Variants in ROBO1 observed in about 807,000 individuals in gnomAD.
The protein encoded by ROBO1 is roundabout guidance receptor 1.
Under a neutral mutation model 195.9 loss-of-function variants are expected in ROBO1, and 149 were observed. The observed-to-expected ratio is 0.76, with a 90% CI of 0.67 to 0.87. The LOEUF (loss-of-function observed/expected upper bound fraction) is 0.87. Ranked by LOEUF, ROBO1 falls within the 40% of genes least tolerant of loss-of-function variation. ROBO1 has a pLI of 0.00. For synonymous variants in ROBO1, 816 were observed against 733.2 expected, an observed-to-expected ratio of 1.11 and a Z score of -1.82; for missense variants, 1,933 against 2,068.3, an observed-to-expected ratio of 0.93 and a Z score of 1.27.
chr3:78,944,997 G>C lies in ROBO1; in HGVS notation c.173-6070C>G, dbSNP rs747200925. ...CCCGCCATTGCCGAGTTAGTTGTTT[G>C]ATTAGGTAGACAAAGCTACCGGGAA... On this transcript the variant is annotated intron_variant, in intron 3 of 30. Transcript: ENST00000464233. Among the ~76,000 whole-genome samples the C allele has an allele frequency of 2.6e-5, 4 of 152,320 alleles. No homozygotes were observed. In the East Asian group the frequency reaches 7.7e-4, roughly 29 times the overall value.
chr3:79,589,706 C>G, intron 2 of ROBO1, 118 bp downstream of exon 2: 1 of 793,266 alleles, frequency 1.3e-6, no homozygotes, highest in Non-Finnish European at 2.1e-6. Flanking sequence ...TTCACACAGA[C>G]TTACAAGTTC....
chr3:78,892,188 T>TGG (rs2036943981), intron 4 of ROBO1, among the ~76,000 whole-genome samples: 1 of 152,152 alleles, frequency 6.6e-6, no homozygotes, highest in Non-Finnish European at 1.5e-5. Context: ...GGCAAAACCC[T>TGG]GTCTCTACAA....
intron 8 of ROBO1, among the ~76,000 whole-genome samples, chr3:78,696,125 G>GAAAAAAAA (rs34340807): frequency 1.8e-5 from 2 of 108,710 alleles, no homozygotes; most frequent in Non-Finnish European, 2.0e-5. Flanking sequence ...GAAAGAATCA[G>GAAAAAAAA]AAAAAAAAAA....
chr3:78,729,787 A>G (rs1295472219), intron 5 of ROBO1, among the ~76,000 whole-genome samples: 5 of 152,216 alleles, frequency 3.3e-5, no homozygotes, highest in African/African-American at 1.2e-4. Context: ...ATTGATTTTT[A>G]CCTCTATGAA....
At position 78,627,673 on chromosome 3, in the gene ROBO1, G is replaced by A. The variant is rs556965674; in HGVS notation, c.3627-104C>T. ...TTTAAATTGTTTTTCAAATCTGAAC[G>A]TTCTCAGTCACATTAAGGAGATATT... On this transcript the variant is annotated intron_variant, in intron 25 of 30. Coordinates refer to ENST00000464233, the MANE Select transcript of ROBO1 (RefSeq NM_002941.4). 2.4e-4 allele frequency: 291 copies of A among 1,235,250 alleles called. No homozygotes were observed. In the African/African-American group the frequency reaches 3.2e-3, roughly 14 times the overall value. 76.5% of individuals were successfully genotyped at this position (1,235,250 alleles called of 1,614,324 possible).
chr3:79,004,757 T>C (rs2077582726), intron 3 of ROBO1, among the ~76,000 whole-genome samples: 2 of 152,138 alleles, frequency 1.3e-5, no homozygotes, highest in African/African-American at 2.4e-5. Context: ...GTGGTTAAAA[T>C]TGGTGCCCTA....
At chr3:78,988,452 T>C (rs1298635942) in intron 3 of ROBO1, among the ~76,000 whole-genome samples, 2 of 152,170 alleles carry the variant, frequency 1.3e-5, no homozygotes, top group Non-Finnish European at 2.9e-5. Flanking sequence ...TCTATTATTT[T>C]TGTGGTCTAA....
chr3:78,674,432 T>G (rs1030764659), intron 10 of ROBO1, among the ~76,000 whole-genome samples: 1 of 152,186 alleles, frequency 6.6e-6, no homozygotes, highest in Non-Finnish European at 1.5e-5. Flanking sequence ...TTCCAGCACT[T>G]GCAATAATTC....
At position 79,342,505 on chromosome 3, in the gene ROBO1, A is replaced by C. The variant is rs149445095; in HGVS notation, c.89-216966T>G. 2.5e-3 allele frequency among the ~76,000 whole-genome samples: 388 copies of C among 152,274 alleles called. 4 individuals are homozygous for C. Among genetic ancestry groups the C allele is most frequent in the African/African-American group, 8.9e-3 (371 of 41,564 alleles). ...TGTTAAAAATTCACATTTCTGTACT[A>C]CATATCAAAATTTTTAATGTGATAC... On this transcript the variant is annotated intron_variant, in intron 2 of 30. Transcript: ENST00000464233.
chr3:79,517,004 C>A (rs1017843231), intron 2 of ROBO1, among the ~76,000 whole-genome samples: 2 of 152,158 alleles, frequency 1.3e-5, no homozygotes, highest in Non-Finnish European at 2.9e-5. Flanking sequence ...ATGTGTCATT[C>A]CAATGAGTGA....
At chr3:78,920,538 C>G (rs9830616) in intron 4 of ROBO1, among the ~76,000 whole-genome samples, 5 of 150,980 alleles carry the variant, frequency 3.3e-5, no homozygotes. Flanking sequence ...AACTCCTGAT[C>G]TGATGATCCG....
intron 4 of ROBO1, among the ~76,000 whole-genome samples, chr3:78,908,459 T>A (rs1158344078): frequency 2.0e-5 from 3 of 151,938 alleles, no homozygotes; most frequent in Non-Finnish European, 4.4e-5. Context: ...ATGACTCATA[T>A]GTACTGGAGA....
intron 2 of ROBO1, among the ~76,000 whole-genome samples, chr3:79,243,091 T>C (rs1357938514): frequency 1.3e-5 from 2 of 151,256 alleles, no homozygotes; most frequent in Non-Finnish European, 2.9e-5. Context: ...GTGTTTGGTT[T>C]TTTGTCCTTG....
intron 3 of ROBO1, chr3:79,019,025 G>A: frequency 2.0e-6 from 2 of 989,512 alleles, no homozygotes; most frequent in Non-Finnish European, 1.2e-6. Flanking sequence ...AGTGTGACTG[G>A]GTGACTCCGC....
intron 3 of ROBO1, among the ~76,000 whole-genome samples, chr3:79,113,932 T>C (rs1012130313): frequency 7.2e-5 from 11 of 152,156 alleles, no homozygotes; most frequent in Non-Finnish European, 1.2e-4. Context: ...TCACCTTCAA[T>C]TGCAATAATC....
intron 2 of ROBO1, among the ~76,000 whole-genome samples, chr3:79,588,369 G>C (rs75292689): frequency 0.022 from 3,367 of 151,622 alleles, 79 homozygotes; most frequent in Middle Eastern, 0.037. Context: ...GACAGACACA[G>C]GTGGTTCAAA....
At chr3:79,747,367 A>G (rs1397872943) in intron 1 of ROBO1, among the ~76,000 whole-genome samples, 1 of 152,090 alleles carries the variant, frequency 6.6e-6, no homozygotes, top group Admixed American at 6.5e-5. Context: ...GTACATACAG[A>G]TTTTAAAAGC....
intron 3 of ROBO1, among the ~76,000 whole-genome samples, chr3:79,054,638 T>A (rs1453426461): frequency 1.3e-5 from 2 of 152,096 alleles, no homozygotes; most frequent in East Asian, 3.9e-4. Context: ...TTGGTCATAC[T>A]CGTAAAAATT....
chr3:79,216,848 C>G (rs181241084), intron 2 of ROBO1, among the ~76,000 whole-genome samples: 1 of 152,036 alleles, frequency 6.6e-6, no homozygotes, highest in Non-Finnish European at 1.5e-5. Flanking sequence ...CTGAAAGAAA[C>G]CCACTGATAG....
Sources: allele counts gnomAD v4.1 joint callset (sites outside exome capture counted in the v4.1 genomes callset), GRCh38; gene constraint gnomAD v4.1.1; transcripts MANE v1.5; gene names NCBI Gene and HGNC (gene_info 2026-07-23, HGNC 2026-07-21).